CHMP2B: variants seen among roughly 807,000 people sequenced by gnomAD.
The protein encoded by CHMP2B is charged multivesicular body protein 2B, also known as VPS2 homolog B.
Under a neutral mutation model 29.8 loss-of-function variants are expected in CHMP2B, and 22 were observed. That is an observed-to-expected ratio of 0.74 (90% CI 0.53 to 1.05). The LOEUF is 1.05. CHMP2B is among the 50% of genes least tolerant of loss of function. The pLI is 0.00. For missense variants in CHMP2B, 261 were observed against 252.2 expected (o/e 1.03, Z -0.24); for synonymous variants, 78 against 75.8 (o/e 1.03, Z -0.15).
At position 87,227,492 on chromosome 3, in the gene CHMP2B, G is replaced by T. The variant is rs376821391; in HGVS notation, c.-31G>T. 1.9e-6 allele frequency: 3 copies of T among 1,614,054 alleles called. No homozygotes were observed. Among genetic ancestry groups the T allele is most frequent in the Non-Finnish European group, 2.5e-6 (3 of 1,179,952 alleles). ...TGCCAGCGTTGGGCCGGACCGGGCCGAGCCGGGCCGCCCGGGCGCAGTCTT... is the reference window on the plus strand; with the variant it reads ...TGCCAGCGTTGGGCCGGACCGGGCCTAGCCGGGCCGCCCGGGCGCAGTCTT... On this transcript the variant is annotated 5_prime_UTR_variant, in exon 1 of 6. Transcript: ENST00000263780.
intron 2 of CHMP2B, among the ~76,000 whole-genome samples, chr3:87,243,734 A>T (rs1039377963): frequency 6.6e-6 from 1 of 152,094 alleles, no homozygotes; most frequent in Non-Finnish European, 1.5e-5. Context: ...CTGTCAAGTA[A>T]CTTGTCCATT....
At chr3:87,227,746 C>A (rs747826479) in intron 1 of CHMP2B, among the ~76,000 whole-genome samples, 190 bp downstream of exon 1, 14 of 152,338 alleles carry the variant, frequency 9.2e-5, no homozygotes, top group South Asian at 6.2e-4. Context: ...TTAGGCTCAC[C>A]TAGGCAGTCT....
At chr3:87,253,275 T>G (rs1706348109) in intron 4 of CHMP2B, 129 bp from the exon 5 acceptor site, 4 of 675,354 alleles carry the variant, frequency 5.9e-6, no homozygotes, top group Non-Finnish European at 8.2e-6. Flanking sequence ...TTTGAAGGAT[T>G]TTTTTAGTTT....
chr3:87,227,561 G>A lies in CHMP2B; in HGVS notation c.34+5G>A, dbSNP rs1206103666. The A allele has an allele frequency of 1.2e-6, 2 of 1,614,170 alleles. No homozygotes were observed. On this transcript the variant is annotated splice_donor_5th_base_variant and intron_variant, in intron 1 of 5. Coordinates refer to ENST00000263780, the MANE Select transcript of CHMP2B (RefSeq NM_014043.4). Reference sequence around the variant, plus strand: ...TCAAGAAGAAAACCGTGGATGGTGAGTTCCAGGCCGGGCTGAAGGGGCCCA... The same window carrying A: ...TCAAGAAGAAAACCGTGGATGGTGAATTCCAGGCCGGGCTGAAGGGGCCCA...
rs1005858195 is a variant in CHMP2B at position 87,253,195 on chromosome 3, T to A, written c.425-209T>A. The A allele has an allele frequency of 8.6e-4, 421 of 491,958 alleles. 3 individuals are homozygous for A. The highest frequency in any genetic ancestry group is 1.6e-4 in the Non-Finnish European group (44 of 271,152). 30.5% of individuals were successfully genotyped at this position (491,958 alleles called of 1,614,324 possible). On this transcript the variant is annotated intron_variant, in intron 4 of 5. Transcript: ENST00000263780. The stretch of plus-strand genomic sequence containing the variant: ...TAGACTTGTTTGCTATAAGATAATT[T>A]GTGTTGAAATGAACATTATTCCAGA...
chr3:87,233,265 C>T (rs1241732430), intron 1 of CHMP2B, among the ~76,000 whole-genome samples: 1 of 152,028 alleles, frequency 6.6e-6, no homozygotes, highest in African/African-American at 2.4e-5. Flanking sequence ...TCAGATATAC[C>T]ATTCCCAAAA....
intron 3 of CHMP2B, 145 bp downstream of exon 3, chr3:87,246,053 A>G (rs895047819): frequency 1.1e-5 from 7 of 637,458 alleles, no homozygotes; most frequent in Non-Finnish European, 1.9e-5. Flanking sequence ...TTATAATACT[A>G]GATAATCCAG....
intron 2 of CHMP2B, 100 bp downstream of exon 2, chr3:87,240,890 A>G (rs1161880257): frequency 4.7e-6 from 4 of 845,816 alleles, no homozygotes; most frequent in Non-Finnish European, 6.1e-6. Flanking sequence ...GGCAGGTGGT[A>G]AGTGATTTAC....
chr3:87,229,614 T>G (rs769800169), intron 1 of CHMP2B, among the ~76,000 whole-genome samples: 1 of 152,146 alleles, frequency 6.6e-6, no homozygotes, highest in Non-Finnish European at 1.5e-5. Context: ...TTCTTGGTAA[T>G]GAGGCTGTAT....
intron 1 of CHMP2B, among the ~76,000 whole-genome samples, chr3:87,234,053 C>T (rs1442818897): frequency 1.3e-5 from 2 of 152,060 alleles, no homozygotes. Context: ...TGAGATAGCT[C>T]CCCACCTTCC....
chr3:87,240,860 T>C, intron 2 of CHMP2B, 70 bp downstream of exon 2: 1 of 1,166,378 alleles, frequency 8.6e-7, no homozygotes, highest in Non-Finnish European at 1.3e-6. Context: ...AATAATTAGC[T>C]AACTAGGAAG....
chr3:87,246,002 T>C, intron 3 of CHMP2B, 94 bp downstream of exon 3: 1 of 944,418 alleles, frequency 1.1e-6, no homozygotes, highest in Non-Finnish European at 1.6e-6. Context: ...CCTCCTGGTG[T>C]ATATGTGATA....
At chr3:87,249,756 C>T (rs925338303) in intron 3 of CHMP2B, 119 bp from the exon 4 acceptor site, 12 of 607,516 alleles carry the variant, frequency 2.0e-5, no homozygotes, top group South Asian at 1.2e-4. Context: ...TGTTTGATTA[C>T]GGCAGGATGG....
intron 2 of CHMP2B, among the ~76,000 whole-genome samples, chr3:87,242,856 G>T (rs757030513): frequency 2.6e-5 from 4 of 152,134 alleles, no homozygotes; most frequent in Non-Finnish European, 4.4e-5. Flanking sequence ...AAGTCTAAAA[G>T]TTAGACAGCA....
chr3:87,244,108 G>A (rs1706170977), intron 2 of CHMP2B, among the ~76,000 whole-genome samples: 3 of 148,890 alleles, frequency 2.0e-5, no homozygotes, highest in African/African-American at 5.0e-5. Flanking sequence ...GTGCGGTGGC[G>A]TGATCTCAGC....
chr3:87,247,795 TC>T (rs1706241563), intron 3 of CHMP2B, among the ~76,000 whole-genome samples: 1 of 152,200 alleles, frequency 6.6e-6, no homozygotes, highest in South Asian at 2.1e-4. Context: ...CAATCTTTGA[TC>T]GCAGAGTAGG....
intron 2 of CHMP2B, among the ~76,000 whole-genome samples, chr3:87,244,964 G>GT (rs1299878408): frequency 6.6e-6 from 1 of 152,034 alleles, no homozygotes; most frequent in Non-Finnish European, 1.5e-5. Context: ...TCTCCTTTCA[G>GT]TTCTGTCCAT....
chr3:87,252,058 G>C, intron 4 of CHMP2B, among the ~76,000 whole-genome samples: 1 of 151,862 alleles, frequency 6.6e-6, no homozygotes, highest in East Asian at 1.9e-4. Flanking sequence ...TTAAATAAAA[G>C]ACAAGAAGGA....
intron 1 of CHMP2B, among the ~76,000 whole-genome samples, chr3:87,236,363 T>C (rs1194810222): frequency 6.6e-6 from 1 of 152,124 alleles, no homozygotes; most frequent in Non-Finnish European, 1.5e-5. Context: ...AGGCCCTCTG[T>C]GCCAGGCACC....
Sources: gnomAD v4.1 joint callset for allele counts (sites outside exome capture counted in the v4.1 genomes callset) on GRCh38, gnomAD v4.1.1 for gene constraint, MANE v1.5 for transcripts, NCBI Gene and HGNC (gene_info 2026-07-23, HGNC 2026-07-21) for gene names.